AHI1: variants seen among roughly 807,000 people sequenced by gnomAD.
AHI1 encodes the protein Abelson helper integration site 1, also known as jouberin.
A neutral mutation model predicts 149.3 loss-of-function variants in AHI1; 123 were observed. The ratio of observed to expected loss-of-function variants is 0.82; its 90% CI spans 0.71 to 0.96. AHI1 has a LOEUF of 0.96. AHI1 is among the 40% of genes least tolerant of loss of function. The pLI is 0.00. For missense variants in AHI1, 1,439 were observed against 1,422.7 expected (o/e 1.01, Z -0.18); for synonymous variants, 475 against 459.8 (o/e 1.03, Z -0.42).
At chr6:135,325,738 T>A (rs1582590542) in intron 24 of AHI1, among the ~76,000 whole-genome samples, 1 of 152,198 alleles carries the variant, frequency 6.6e-6, no homozygotes, top group East Asian at 1.9e-4. Context: ...GTTCCTGTTG[T>A]TCCTTATCCT....
At position 135,395,243 on chromosome 6, in the gene AHI1, T is replaced by A. The variant is rs779910273; in HGVS notation, c.2989-347A>T. 5.0e-4 allele frequency among the ~76,000 whole-genome samples: 76 copies of A among 151,980 alleles called. 2 individuals are homozygous for A. The highest frequency in any genetic ancestry group is 3.4e-3 in the Middle Eastern group (1 of 294). ...TGGTTCAATTAAGGAAGGGTAAAAA[T>A]GTTTCATATTCACATTTCCCTAGCA... On this transcript the variant is annotated intron_variant, in intron 22 of 28. Coordinates refer to ENST00000265602, the MANE Select transcript of AHI1 (RefSeq NM_001134831.2).
At chr6:135,412,703 A>T (rs1032376053) in intron 20 of AHI1, among the ~76,000 whole-genome samples, 1 of 152,224 alleles carries the variant, frequency 6.6e-6, no homozygotes. Context: ...AAGGAGAAAA[A>T]ATATATAAAC....
chr6:135,458,171 T>G (rs766190378), intron 8 of AHI1, among the ~76,000 whole-genome samples: 2 of 152,142 alleles, frequency 1.3e-5, no homozygotes. Context: ...AAAGAAGATA[T>G]AGTAGACAGA....
intron 3 of AHI1, chr6:135,492,796 T>G (rs1044188775): frequency 1.2e-5 from 12 of 985,246 alleles, no homozygotes; most frequent in Non-Finnish European, 1.4e-5. Context: ...GCACCATCTT[T>G]CTTTAATAAA....
intron 20 of AHI1, among the ~76,000 whole-genome samples, chr6:135,425,083 C>T (rs1783745370): frequency 6.6e-6 from 1 of 151,932 alleles, no homozygotes; most frequent in Admixed American, 6.6e-5. Context: ...TCTTCCTAAG[C>T]TTCCTCTTTT....
intron 23 of AHI1, among the ~76,000 whole-genome samples, chr6:135,387,628 C>T (rs533226112): frequency 4.5e-4 from 69 of 152,260 alleles, no homozygotes; most frequent in African/African-American, 1.4e-3. Context: ...TCTAAAAATA[C>T]TATATCCATT....
chr6:135,482,032 T>G (rs1231409176), intron 5 of AHI1, among the ~76,000 whole-genome samples: 1 of 152,112 alleles, frequency 6.6e-6, no homozygotes, highest in Non-Finnish European at 1.5e-5. Context: ...TTTCAGAAAC[T>G]GTAGTATGAT....
Position 135,455,743 on chromosome 6 carries a change from C to T in AHI1, c.1335G>A (p.Leu445=). The T allele has an allele frequency of 6.3e-7, 1 of 1,589,428 alleles. No individual in the cohort carries two copies. Among genetic ancestry groups the T allele is most frequent in the Non-Finnish European group, 8.6e-7 (1 of 1,165,080 alleles). The change falls in exon 10 of 29, where the codon CTG becomes CTA. Residue 445 remains leucine (L), a synonymous_variant. Transcript: ENST00000265602. The stretch of plus-strand genomic sequence containing the variant: ...TCCATTCAATTCATACCTCAAAGAA[C>T]AGGATGACTTTAGGACTCTCATCAG... The part of the protein sequence containing the change: ...RGSDESPKVI[L]FFEILDFLSV...
intron 23 of AHI1, among the ~76,000 whole-genome samples, chr6:135,369,130 G>T (rs752319138): frequency 6.6e-6 from 1 of 152,268 alleles, no homozygotes; most frequent in South Asian, 2.1e-4. Context: ...TATTTCACTC[G>T]GCTCTCTAAA....
At chr6:135,293,502 C>A (rs1244917830) in intron 27 of AHI1, among the ~76,000 whole-genome samples, 4 of 146,504 alleles carry the variant, frequency 2.7e-5, no homozygotes, top group African/African-American at 7.8e-5. Context: ...TGTCTGTCTA[C>A]ACAGAATATC....
At chr6:135,465,018 C>T (rs1488893698) in intron 7 of AHI1, among the ~76,000 whole-genome samples, 1 of 152,156 alleles carries the variant, frequency 6.6e-6, no homozygotes, top group African/African-American at 2.4e-5. Flanking sequence ...CATGTCCCTG[C>T]AGCAACTTGG....
intron 23 of AHI1, among the ~76,000 whole-genome samples, chr6:135,378,111 C>T (rs1054011441): frequency 6.6e-6 from 1 of 152,016 alleles, no homozygotes; most frequent in Non-Finnish European, 1.5e-5. Flanking sequence ...GTATAATATG[C>T]CCTGACTCTG....
chr6:135,473,474 T>C (rs1449956358), intron 5 of AHI1, among the ~76,000 whole-genome samples: 1 of 152,206 alleles, frequency 6.6e-6, no homozygotes, highest in Non-Finnish European at 1.5e-5. Context: ...ACTACTTCTA[T>C]TAATTTCTGA....
At chr6:135,300,692 G>T in intron 26 of AHI1, 134 bp from the exon 27 acceptor site, 1 of 1,469,534 alleles carries the variant, frequency 6.8e-7, no homozygotes, top group Non-Finnish European at 9.0e-7. Context: ...GAATATCTAT[G>T]CCTGTCCTGA....
chr6:135,376,881 C>CAACAAA (rs1776005176), intron 23 of AHI1, among the ~76,000 whole-genome samples: 1 of 29,414 alleles, frequency 3.4e-5, no homozygotes, highest in African/African-American at 1.6e-4. Context: ...GACTCCATCT[C>CAACAAA]AAAAAAAAAA....
chr6:135,425,354 C>G (rs1334594040), intron 20 of AHI1, among the ~76,000 whole-genome samples: 1 of 151,862 alleles, frequency 6.6e-6, no homozygotes, highest in Middle Eastern at 3.4e-3. Context: ...TGGAAAGAAA[C>G]ATACTTTAAT....
intron 24 of AHI1, among the ~76,000 whole-genome samples, chr6:135,334,120 A>T (rs752860503): frequency 6.6e-6 from 1 of 152,236 alleles, no homozygotes; most frequent in African/African-American, 2.4e-5. Flanking sequence ...TTTCCAAGTT[A>T]GACTGAACTT....
intron 24 of AHI1, among the ~76,000 whole-genome samples, chr6:135,355,003 T>A (rs1481182054): frequency 2.6e-5 from 4 of 152,170 alleles, no homozygotes; most frequent in African/African-American, 7.2e-5. Context: ...AACGCCAGAA[T>A]GCAAAGATAA....
rs754609881 is a variant in AHI1 at position 135,466,331 on chromosome 6, T to C, written c.232A>G (p.Thr78Ala). Residue 78 changes from threonine to alanine, a missense_variant, in exon 7 of 29, where the codon ACA becomes GCA. Thr to Ala is a moderately conservative substitution (Grantham distance 58). Coordinates refer to ENST00000265602, the MANE Select transcript of AHI1 (RefSeq NM_001134831.2). The stretch of plus-strand genomic sequence containing the variant: ...TTAGCAGCACTTACATCATCACTTG[T>C]AGTTTCTTTAATATGGGGAAGATTG... ...RSNLPHIKET[T>A]SDDVSAANTN... 51 of 1,613,794 alleles carry C rather than the reference T, an allele frequency of 3.2e-5. No individual in the cohort carries two copies. The highest frequency in any genetic ancestry group is 2.7e-4 in the East Asian group (12 of 44,896).
Sources: allele counts gnomAD v4.1 joint callset (sites outside exome capture counted in the v4.1 genomes callset), GRCh38; gene constraint gnomAD v4.1.1; transcripts MANE v1.5; gene names NCBI Gene and HGNC (gene_info 2026-07-23, HGNC 2026-07-21).